MCTP1: variants seen among roughly 807,000 people sequenced by gnomAD.
MCTP1 encodes multiple C2 and transmembrane domain containing 1.
In MCTP1, 69 loss-of-function variants were observed where a neutral mutation model predicts 120.6. That is an observed-to-expected ratio of 0.57 (90% CI 0.47 to 0.70). The LOEUF (loss-of-function observed/expected upper bound fraction) is 0.70. MCTP1 is among the 30% of genes least tolerant of loss of function. The pLI, the probability that MCTP1 is intolerant of heterozygous loss-of-function variation, is 0.00. For synonymous variants in MCTP1, 529 were observed against 493.1 expected (o/e 1.07, Z -0.96); for missense variants, 1,203 against 1,248.8 (o/e 0.96, Z 0.55).
intron 2 of MCTP1, among the ~76,000 whole-genome samples, chr5:94,995,168 C>CG (rs1322437358): frequency 1.3e-5 from 2 of 152,134 alleles, no homozygotes; most frequent in African/African-American, 4.8e-5. Flanking sequence ...CTGACTAAGA[C>CG]GGGGGGCAGT....
chr5:94,757,143 A>ATAG (rs1323111799), intron 19 of MCTP1, among the ~76,000 whole-genome samples: 1 of 152,236 alleles, frequency 6.6e-6, no homozygotes, highest in Non-Finnish European at 1.5e-5. Flanking sequence ...AGTCCTCAGC[A>ATAG]TAGTGCTGAG....
At chr5:95,228,170 G>C (rs985593699) in intron 1 of MCTP1, among the ~76,000 whole-genome samples, 1 of 152,122 alleles carries the variant, frequency 6.6e-6, no homozygotes, top group African/African-American at 2.4e-5. Flanking sequence ...AGAATTCAAA[G>C]AGAAGATGCC....
chr5:95,005,119 A>G lies in MCTP1; in HGVS notation c.838+12248T>C, dbSNP rs1581792694. On this transcript the variant is annotated intron_variant, in intron 2 of 22. Coordinates refer to ENST00000515393, the MANE Select transcript of MCTP1 (RefSeq NM_024717.7). Reference sequence around the variant, plus strand: ...ATGGTGTCAAAGGAGATCATTTTGGAGCTTTAAGATTTAATGACTGCCCTG... The same window carrying G: ...ATGGTGTCAAAGGAGATCATTTTGGGGCTTTAAGATTTAATGACTGCCCTG... Among the ~76,000 whole-genome samples, 3 of 152,018 alleles carry G rather than the reference A, an allele frequency of 2.0e-5. 1 individual carries two copies. The highest frequency in any genetic ancestry group is 7.2e-5 in the African/African-American group (3 of 41,392).
rs148821007 is a variant in MCTP1, at chr5:95,122,929, T to C, written c.721-105445A>G. Among the ~76,000 whole-genome samples the C allele has an allele frequency of 3.5e-3, 526 of 152,294 alleles. 2 individuals are homozygous for C. The highest frequency in any genetic ancestry group is 0.012 in the African/African-American group (506 of 41,556). The stretch of plus-strand genomic sequence containing the variant: ...AACTTCACATGTCCTCATTTATTTG[T>C]GGGCACTAAAAATTAAAATAAGTAG... On this transcript the variant is annotated intron_variant, in intron 1 of 22. Transcript: ENST00000515393.
intron 1 of MCTP1, among the ~76,000 whole-genome samples, chr5:95,231,259 A>C (rs1582606216): frequency 6.6e-6 from 1 of 152,180 alleles, no homozygotes; most frequent in Non-Finnish European, 1.5e-5. Context: ...TTTAATGATC[A>C]TGAATATTAT....
chr5:95,039,164 C>T (rs998983813), intron 1 of MCTP1, among the ~76,000 whole-genome samples: 3 of 152,002 alleles, frequency 2.0e-5, no homozygotes, highest in African/African-American at 4.8e-5. Context: ...AATATTTAGA[C>T]CTTGCCTTTG....
intron 17 of MCTP1, among the ~76,000 whole-genome samples, chr5:94,819,075 T>C (rs1267262304): frequency 7.2e-6 from 1 of 139,190 alleles, no homozygotes; most frequent in Non-Finnish European, 1.6e-5. Context: ...ATAAACTACT[T>C]CAAATTTATT....
At chr5:95,087,868 T>G (rs1428777688) in intron 1 of MCTP1, among the ~76,000 whole-genome samples, 1 of 152,178 alleles carries the variant, frequency 6.6e-6, no homozygotes, top group Non-Finnish European at 1.5e-5. Flanking sequence ...GTCTGGCATG[T>G]CTTTAGGGAG....
intron 1 of MCTP1, among the ~76,000 whole-genome samples, chr5:95,096,976 A>C (rs1394840875): frequency 6.6e-6 from 1 of 152,162 alleles, no homozygotes; most frequent in African/African-American, 2.4e-5. Context: ...CATTTTCATG[A>C]TGTTTAAATA....
At chr5:94,961,773 G>A (rs1042123268) in intron 2 of MCTP1, among the ~76,000 whole-genome samples, 2 of 152,110 alleles carry the variant, frequency 1.3e-5, no homozygotes, top group Non-Finnish European at 2.9e-5. Context: ...TTATGATAAA[G>A]TTTGACCACA....
At chr5:94,921,505 GCA>G (rs1477397946) in intron 7 of MCTP1, among the ~76,000 whole-genome samples, 2 of 152,124 alleles carry the variant, frequency 1.3e-5, no homozygotes, top group African/African-American at 4.8e-5. Flanking sequence ...AACCCACAAA[GCA>G]CATGTATACT....
chr5:94,976,300 A>T (rs1350800056), intron 2 of MCTP1, among the ~76,000 whole-genome samples: 1 of 152,026 alleles, frequency 6.6e-6, no homozygotes, highest in Non-Finnish European at 1.5e-5. Context: ...AAAATACAAA[A>T]ATTATCCAGG....
chr5:94,861,129 C>A (rs1795699426), intron 17 of MCTP1, among the ~76,000 whole-genome samples: 1 of 151,838 alleles, frequency 6.6e-6, no homozygotes, highest in South Asian at 2.1e-4. Flanking sequence ...TTACCACTTG[C>A]TGAGTGTTGG....
chr5:94,793,052 G>T (rs149600955), intron 18 of MCTP1, among the ~76,000 whole-genome samples: 169 of 152,176 alleles, frequency 1.1e-3, no homozygotes, highest in African/African-American at 3.8e-3. Flanking sequence ...AATTCATAGG[G>T]CTCAGGGCTG....
intron 7 of MCTP1, 109 bp from the exon 8 acceptor site, chr5:94,918,082 AATT>A: frequency 1.3e-6 from 1 of 787,762 alleles, no homozygotes; most frequent in Middle Eastern, 2.6e-4. Context: ...TATTTGAGAA[AATT>A]TGTATTTGCT....
At chr5:94,995,274 T>C (rs1832402570) in intron 2 of MCTP1, among the ~76,000 whole-genome samples, 1 of 152,202 alleles carries the variant, frequency 6.6e-6, no homozygotes, top group South Asian at 2.1e-4. Flanking sequence ...TTCGTGGGTC[T>C]CATTTCCAGA....
chr5:95,226,374 A>G (rs1754268270), intron 1 of MCTP1, among the ~76,000 whole-genome samples: 1 of 152,204 alleles, frequency 6.6e-6, no homozygotes, highest in South Asian at 2.1e-4. Flanking sequence ...TGCCTTGAAC[A>G]TGTATTTTAG....
At chr5:95,106,485 T>G (rs1011461163) in intron 1 of MCTP1, among the ~76,000 whole-genome samples, 1 of 152,188 alleles carries the variant, frequency 6.6e-6, no homozygotes, top group African/African-American at 2.4e-5. Context: ...TCCTGTTGAG[T>G]CTGAAGCCAT....
chr5:95,220,145 T>C (rs1253586409), intron 1 of MCTP1, among the ~76,000 whole-genome samples: 1 of 152,164 alleles, frequency 6.6e-6, no homozygotes, highest in Non-Finnish European at 1.5e-5. Context: ...AGAGCTGAGG[T>C]TCCTTAAGCG....
Sources: allele counts gnomAD v4.1 joint callset (sites outside exome capture counted in the v4.1 genomes callset), GRCh38; gene constraint gnomAD v4.1.1; transcripts MANE v1.5; gene names NCBI Gene and HGNC (gene_info 2026-07-23, HGNC 2026-07-21).